KIF4A: variants seen among roughly 807,000 people sequenced by gnomAD.
KIF4A encodes kinesin family member 4A.
KIF4A carries 7 observed loss-of-function variants against 105.9 expected under a neutral mutation model. The ratio of observed to expected loss-of-function variants is 0.07; its 90% CI spans 0.04 to 0.12. KIF4A has a LOEUF of 0.12. Ranked by LOEUF, KIF4A falls within the 10% of genes least tolerant of loss-of-function variation. The probability of loss-of-function intolerance (pLI) is 1.00; values close to 1 mark genes in which losing one functional copy is unlikely to be tolerated. For synonymous variants in KIF4A, 281 were observed against 331.3 expected, an observed-to-expected ratio of 0.85 and a Z score of 1.65; for missense variants, 558 against 929.2, an observed-to-expected ratio of 0.60 and a Z score of 5.19.
At chrX:70,401,886 C>G (rs2086283838) in intron 22 of KIF4A, among the ~76,000 whole-genome samples, 1 of 111,886 alleles carries the variant, frequency 8.9e-6, no homozygotes, top group Non-Finnish European at 1.9e-5. Context: ...AAACTTATCA[C>G]TGCATATGAA....
intron 29 of KIF4A, among the ~76,000 whole-genome samples, chrX:70,419,255 C>T (rs1420757263): frequency 1.8e-5 from 2 of 112,132 alleles, no homozygotes; most frequent in East Asian, 2.8e-4. Flanking sequence ...GGGCATGGCC[C>T]CTTCCTCCCT....
chrX:70,326,495 A>G (rs2085911392), intron 7 of KIF4A, among the ~76,000 whole-genome samples: 1 of 112,049 alleles, frequency 8.9e-6, no homozygotes, highest in Admixed American at 9.5e-5. Context: ...TTTATATTCC[A>G]GCTGTAAAAC....
chrX:70,333,420 AGTT>A (rs1869093747), intron 9 of KIF4A, among the ~76,000 whole-genome samples: 1 of 111,923 alleles, frequency 8.9e-6, no homozygotes, highest in Admixed American at 9.4e-5. Context: ...TCTACTTAAT[AGTT>A]GTTCATGTAA....
At chrX:70,382,225 T>C (rs1177653654) in intron 18 of KIF4A, among the ~76,000 whole-genome samples, 1 of 110,554 alleles carries the variant, frequency 9.0e-6, no homozygotes, top group Non-Finnish European at 1.9e-5. Flanking sequence ...AGGTCAGGAG[T>C]TCAAGACCAC....
At chrX:70,378,880 G>A (rs759456433) in intron 18 of KIF4A, among the ~76,000 whole-genome samples, 24 of 110,393 alleles carry the variant, frequency 2.2e-4, no homozygotes, top group African/African-American at 4.6e-4. Context: ...GAGGCCAGGC[G>A]CGGTGGCTCA....
At chrX:70,301,740 T>G (rs767167397) in intron 5 of KIF4A, among the ~76,000 whole-genome samples, 160 bp from the exon 6 acceptor site, 2 of 112,050 alleles carry the variant, frequency 1.8e-5, no homozygotes, top group Non-Finnish European at 3.8e-5. Context: ...TCCAGCTATC[T>G]TCACAGAGTT....
chrX:70,388,673 A>G (rs939405840), intron 20 of KIF4A, among the ~76,000 whole-genome samples: 1 of 111,425 alleles, frequency 9.0e-6, no homozygotes, highest in African/African-American at 3.3e-5. Flanking sequence ...TCATGTGCTT[A>G]TTTGCCATAT....
At chrX:70,344,384 T>G (rs150599075) in intron 13 of KIF4A, among the ~76,000 whole-genome samples, 157 of 111,733 alleles carry the variant, frequency 1.4e-3, no homozygotes, top group African/African-American at 5.0e-3. Flanking sequence ...ATAAGCCTCT[T>G]TTATAACCAA....
rs188480141 is a variant in KIF4A, at chrX:70,291,735, G to A, written c.235+930G>A. Among the ~76,000 whole-genome samples, 257 of 111,826 alleles carry A rather than the reference G, an allele frequency of 2.3e-3. 2 individuals are homozygous for A. The highest frequency in any genetic ancestry group is 4.2e-3 in the Non-Finnish European group (222 of 53,152). ...TTGTTTTTCATCCAAAGAAAAATGC[G>A]TTCTAACAATATCTGTTAGGTGAAC... On this transcript the variant is annotated intron_variant, in intron 3 of 30. Coordinates refer to ENST00000374403, the MANE Select transcript of KIF4A (RefSeq NM_012310.5).
chrX:70,370,602 C>CACAT (rs1430781070), intron 15 of KIF4A, among the ~76,000 whole-genome samples: 7 of 108,611 alleles, frequency 6.4e-5, no homozygotes, highest in Admixed American at 5.9e-4. Context: ...TATGAATATA[C>CACAT]ACATACATAC....
At chrX:70,299,058 A>C in intron 4 of KIF4A, 55 bp from the exon 5 acceptor site, 1 of 955,924 alleles carries the variant, frequency 1.0e-6, no homozygotes, top group Non-Finnish European at 1.5e-6. Context: ...CTCACCACCC[A>C]GAGATTACCA....
At chrX:70,290,834 CAT>C (rs1569226910) in intron 3 of KIF4A, 29 bp downstream of exon 3, 3 of 985,757 alleles carry the variant, frequency 3.0e-6, no homozygotes, top group Admixed American at 4.4e-5. Flanking sequence ...TCGAACGTAA[CAT>C]ATATATTCCT....
intron 15 of KIF4A, among the ~76,000 whole-genome samples, chrX:70,373,530 A>G (rs865792096): frequency 6.1e-5 from 2 of 32,771 alleles, no homozygotes; most frequent in African/African-American, 2.9e-4. Context: ...GTATGTATAT[A>G]TATATATATA....
intron 15 of KIF4A, among the ~76,000 whole-genome samples, chrX:70,358,692 T>C (rs959902555): frequency 1.8e-5 from 2 of 112,529 alleles, no homozygotes; most frequent in African/African-American, 6.5e-5. Context: ...TAAGATACTT[T>C]CCTACAATTT....
intron 15 of KIF4A, chrX:70,361,658 C>T (rs1038115606): frequency 1.9e-5 from 3 of 156,609 alleles, no homozygotes; most frequent in Non-Finnish European, 4.1e-5. Context: ...AGGGAATGCA[C>T]TTGTAAGACA....
At chrX:70,373,159 C>G (rs1230822061) in intron 15 of KIF4A, among the ~76,000 whole-genome samples, 1 of 109,109 alleles carries the variant, frequency 9.2e-6, no homozygotes, top group African/African-American at 3.3e-5. Context: ...GTAGTCCTTG[C>G]TACTCAGGAG....
chrX:70,386,549 C>A, intron 18 of KIF4A, 69 bp from the exon 19 acceptor site: 19 of 774,889 alleles, frequency 2.5e-5, no homozygotes, highest in East Asian at 3.2e-5. Context: ...TCTTGAGAGA[C>A]ACCTTATAGT....
At chrX:70,398,053 G>A (rs1473633386) in intron 22 of KIF4A, among the ~76,000 whole-genome samples, 1 of 111,847 alleles carries the variant, frequency 8.9e-6, no homozygotes, top group African/African-American at 3.2e-5. Context: ...ATGTTTGTTT[G>A]TTTTGAGACA....
At chrX:70,369,214 C>T (rs775057517) in intron 15 of KIF4A, among the ~76,000 whole-genome samples, 45 of 112,357 alleles carry the variant, frequency 4.0e-4, no homozygotes, top group African/African-American at 1.4e-3. Context: ...GGCGATGCCT[C>T]GCCCTGCTTC....
Sources: allele counts gnomAD v4.1 joint callset (sites outside exome capture counted in the v4.1 genomes callset), GRCh38; gene constraint gnomAD v4.1.1; transcripts MANE v1.5; gene names NCBI Gene and HGNC (gene_info 2026-07-23, HGNC 2026-07-21).